Variants in ATP12A observed in about 807,000 individuals in gnomAD.
ATP12A encodes the protein potassium-transporting ATPase alpha chain 2.
A neutral mutation model predicts 111.2 loss-of-function variants in ATP12A; 81 were observed. The ratio of observed to expected loss-of-function variants is 0.73; its 90% confidence interval spans 0.61 to 0.88. The LOEUF is 0.88. ATP12A is among the 40% of genes least tolerant of loss of function. The pLI is 0.00. For synonymous variants in ATP12A, 498 were observed against 499.8 expected (o/e 1.00, Z 0.05); for missense variants, 1,196 against 1,313.1 (o/e 0.91, Z 1.38).
At chr13:24,681,120 T>G (rs1874414474) in intron 1 of ATP12A, among the ~76,000 whole-genome samples, 4 of 151,764 alleles carry the variant, frequency 2.6e-5, no homozygotes, top group Admixed American at 2.0e-4. Context: ...GGACTGAGGG[T>G]CGTAAGCTTA....
At chr13:24,706,067 C>T (rs955729941) in intron 14 of ATP12A, among the ~76,000 whole-genome samples, 1 of 152,170 alleles carries the variant, frequency 6.6e-6, no homozygotes, top group African/African-American at 2.4e-5. Flanking sequence ...GATAAGGCTA[C>T]CTGGTTTTTT....
Position 24,701,922 on chromosome 13 carries a change from G to GTC in ATP12A, c.1882-11_1882-10dup. Reference sequence around the variant, plus strand: ...TTCATTACCCGTGGGCCTTCTCGTTGTCTTTGCTCTAGGTTATTATGGTTA... The same window carrying GTC: ...TTCATTACCCGTGGGCCTTCTCGTTGTCTCTTTGCTCTAGGTTATTATGGTTA... On this transcript the variant is annotated splice_polypyrimidine_tract_variant and intron_variant, in intron 13 of 22. Coordinates refer to ENST00000381946, the MANE Select transcript of ATP12A (RefSeq NM_001676.7). 3 of 1,614,170 alleles carry GTC rather than the reference G, an allele frequency of 1.9e-6. No homozygotes were observed. Among genetic ancestry groups the GTC allele is most frequent in the Non-Finnish European group, 2.5e-6 (3 of 1,180,020 alleles).
Position 24,692,831 on chromosome 13 carries a change from A to G in ATP12A, c.1312A>G (p.Lys438Glu), listed in dbSNP as rs764833751. The change falls in exon 10 of 23, where the codon AAG (lysine) becomes GAG (glutamate). Residue 438 changes from lysine to glutamate, a missense_variant. Around this residue, in one of 3 missense-constraint regions of ATP12A, gnomAD observed 1,126 missense variants for 1,228.5 expected, o/e 0.92. Coordinates refer to ENST00000381946, the MANE Select transcript of ATP12A (RefSeq NM_001676.7). Reference sequence around the variant, plus strand: ...CTCTAGGACTTGGGCCTCCTTATCCAAGATAATAACATTGTGTAACCGAGC... The same window carrying G: ...CTCTAGGACTTGGGCCTCCTTATCCGAGATAATAACATTGTGTAACCGAGC... ...QSSRTWASLS[K>E]IITLCNRAEF... is the part of the protein sequence containing the mutation. 7 of 1,614,070 alleles carry G rather than the reference A, an allele frequency of 4.3e-6. No individual in the cohort carries two copies. The highest frequency in any genetic ancestry group is 1.7e-6 in the Non-Finnish European group (2 of 1,180,042).
At chr13:24,687,948 G>A (rs1422014807) in intron 3 of ATP12A, among the ~76,000 whole-genome samples, 2 of 152,168 alleles carry the variant, frequency 1.3e-5, no homozygotes, top group Admixed American at 6.5e-5. Flanking sequence ...CAGTCACCAC[G>A]TTGAACCTGG....
chr13:24,710,315 T>C, intron 19 of ATP12A, 145 bp from the exon 20 acceptor site: 1 of 996,388 alleles, frequency 1.0e-6, no homozygotes, highest in Non-Finnish European at 1.5e-6. Context: ...GAAAGAAAAA[T>C]GTTTCTTTCC....
chr13:24,696,715 T>A (rs1875172408), intron 11 of ATP12A, among the ~76,000 whole-genome samples: 1 of 22,882 alleles, frequency 4.4e-5, no homozygotes. Flanking sequence ...CGAGACTCCG[T>A]CTCAAAAAAA....
intron 14 of ATP12A, chr13:24,703,463 A>C (rs1566076309): frequency 6.6e-6 from 1 of 152,186 alleles, no homozygotes; most frequent in Non-Finnish European, 1.5e-5. Flanking sequence ...GCTGGTCTCA[A>C]ACTCCTGACC....
chr13:24,681,788 C>T, intron 2 of ATP12A, 68 bp downstream of exon 2: 1 of 1,576,930 alleles, frequency 6.3e-7, no homozygotes, highest in African/African-American at 1.4e-5. Context: ...GCCCCTAGAA[C>T]CCACCTCTTA....
intron 7 of ATP12A, 48 bp downstream of exon 7, chr13:24,690,769 T>A: frequency 1.3e-6 from 2 of 1,551,448 alleles, no homozygotes; most frequent in South Asian, 1.2e-5. Context: ...GTGTCCTTTC[T>A]CCCTCCTGGG....
rs1042401573 is a variant in ATP12A, at chr13:24,710,517, A to G, written c.2821A>G (p.Ile941Val). Residue 941 changes from isoleucine to valine, a missense_variant, in exon 20 of 23, where the codon ATC becomes GTC. Ile to Val is a conservative substitution (Grantham distance 29). Transcript: ENST00000381946. ...GGGCTACACGGCTTTCTTTGTTGGC[A>G]TCCTAGTCCAGCAAATAGCAGATCT... ...WTGYTAFFVGILVQQIADLII... is the reference protein window; with the variant it reads ...WTGYTAFFVGVLVQQIADLII... The G allele has an allele frequency of 6.2e-7, 1 of 1,614,224 alleles. No individual in the cohort carries two copies. Among genetic ancestry groups the G allele is most frequent in the Non-Finnish European group, 8.5e-7 (1 of 1,180,028 alleles).
At position 24,700,193 on chromosome 13, in the gene ATP12A, T is replaced by G. The variant is rs375602426; in HGVS notation, c.1706-554T>G. Among the ~76,000 whole-genome samples, 432 of 152,328 alleles carry G rather than the reference T, an allele frequency of 2.8e-3. 4 individuals carry two copies. Among genetic ancestry groups the G allele is most frequent in the African/African-American group, 9.6e-3 (401 of 41,582 alleles). Reference sequence around the variant, plus strand: ...AAGGATGGCTCGGCCCCATTCCTGCTGGCCTTTCTCTTGGGCTTATCTTGA... The same window carrying G: ...AAGGATGGCTCGGCCCCATTCCTGCGGGCCTTTCTCTTGGGCTTATCTTGA... On this transcript the variant is annotated intron_variant, in intron 12 of 22. Transcript: ENST00000381946.
rs1411181584 is a variant in ATP12A, at chr13:24,706,329, G to A, written c.2035G>A (p.Val679Met). The A allele has an allele frequency of 2.5e-6, 4 of 1,614,166 alleles. No individual in the cohort carries two copies. Among genetic ancestry groups the A allele is most frequent in the South Asian group, 1.1e-5 (1 of 91,072 alleles). Residue 679 changes from valine (V) to methionine (M), a missense_variant, in exon 15 of 23, where the codon GTG (valine) becomes ATG (methionine). Val to Met is a conservative substitution (Grantham distance 21). Around this residue, in one of 3 missense-constraint regions of ATP12A, gnomAD observed 1,126 missense variants for 1,228.5 expected, o/e 0.92. Coordinates refer to ENST00000381946, the MANE Select transcript of ATP12A (RefSeq NM_001676.7). ...QVNKRDAKAA[V>M]VTGMELKDMS... ...CCCTTCTAGGGATGCCAAGGCCGCT[G>A]TGGTGACTGGCATGGAGCTGAAGGA...
chr13:24,711,492 A>G lies in ATP12A; in HGVS notation c.3092-2A>G, dbSNP rs182376402. 2.5e-6 allele frequency: 4 copies of G among 1,614,038 alleles called. No homozygotes were observed. In the Admixed American group the frequency reaches 5.0e-5, roughly 20 times the overall value. On this transcript the variant is annotated splice_acceptor_variant, in intron 22 of 22. Coordinates refer to ENST00000381946, the MANE Select transcript of ATP12A (RefSeq NM_001676.7). LOFTEE classifies it high-confidence loss of function. Reference sequence around the variant, plus strand: ...CTGATGTACTTTTTTCTACCTCTACAGGCTGGTGGGATAAGAACATGTATT... The same window carrying G: ...CTGATGTACTTTTTTCTACCTCTACGGGCTGGTGGGATAAGAACATGTATT...
At chr13:24,693,001 T>C (rs1874979006) in intron 10 of ATP12A, 105 bp downstream of exon 10, 1 of 1,111,148 alleles carries the variant, frequency 9.0e-7, no homozygotes, top group African/African-American at 1.6e-5. Context: ...TTAAAGTTTG[T>C]TCAGTGCTTG....
intron 12 of ATP12A, among the ~76,000 whole-genome samples, chr13:24,699,355 C>T (rs902397362): frequency 2.6e-5 from 4 of 151,938 alleles, no homozygotes; most frequent in Admixed American, 2.0e-4. Context: ...GCTGGGCAGT[C>T]GCAGGGCTGG....
At chr13:24,687,657 G>T (rs1355647273) in intron 3 of ATP12A, among the ~76,000 whole-genome samples, 1 of 152,214 alleles carries the variant, frequency 6.6e-6, no homozygotes, top group African/African-American at 2.4e-5. Flanking sequence ...ATGGGCTCAG[G>T]GCTTGGGTAG....
intron 17 of ATP12A, among the ~76,000 whole-genome samples, chr13:24,708,953 GA>G (rs1555255704): frequency 2.5e-4 from 35 of 137,556 alleles, no homozygotes; most frequent in African/African-American, 7.5e-4. Context: ...AAGAAAGAAA[GA>G]AAGAAAGAAG....
rs1289092348 is a variant in ATP12A, at chr13:24,707,056, A to C, written c.2203A>C (p.Asn735His). Reference protein sequence around the residue: ...AVVAVTGDGVNDSPALKKADI... With the variant: ...AVVAVTGDGVHDSPALKKADI... ...TGTTGCTGTGACCGGGGATGGAGTT[A>C]ATGACTCTCCGGCTCTAAAGAAGGC... Residue 735 changes from asparagine (N) to histidine (H), a missense_variant, in exon 16 of 23, where the codon AAT (asparagine) becomes CAT (histidine). Coordinates refer to ENST00000381946, the MANE Select transcript of ATP12A (RefSeq NM_001676.7). 2 of 1,612,484 alleles carry C rather than the reference A, an allele frequency of 1.2e-6. No individual in the cohort carries two copies. Among genetic ancestry groups the C allele is most frequent in the Admixed American group, 1.7e-5 (1 of 59,838 alleles).
intron 14 of ATP12A, among the ~76,000 whole-genome samples, 178 bp downstream of exon 14, chr13:24,702,249 T>C (rs139995229): frequency 7.9e-5 from 12 of 152,358 alleles, no homozygotes; most frequent in African/African-American, 2.9e-4. Flanking sequence ...GCAGCTAATA[T>C]GTGCCAGGCA....
Sources: allele counts gnomAD v4.1 joint callset (sites outside exome capture counted in the v4.1 genomes callset), GRCh38; gene constraint gnomAD v4.1.1; regional missense constraint gnomAD v4.1.1; transcripts MANE v1.5; gene names NCBI Gene and HGNC (gene_info 2026-07-23, HGNC 2026-07-21).